TUSC3: variants seen among roughly 807,000 people sequenced by gnomAD.
The protein encoded by TUSC3 is dolichyl-diphosphooligosaccharide--protein glycosyltransferase subunit TUSC3.
In TUSC3, 45 loss-of-function variants were observed where a neutral mutation model predicts 44.8. That is an observed-to-expected ratio of 1.00 (90% CI 0.79 to 1.29). The LOEUF (loss-of-function observed/expected upper bound fraction) is 1.29, where lower values mean the gene tolerates loss of function less well. Ranked by LOEUF, TUSC3 falls within the 50% of genes most tolerant of loss-of-function variation. The pLI is 0.00. For missense variants in TUSC3, 519 were observed against 437.9 expected, an observed-to-expected ratio of 1.19 and a Z score of -1.65; for synonymous variants, 212 against 152.9, an observed-to-expected ratio of 1.39 and a Z score of -2.85.
chr8:15,711,488 GTGTGTGTA>G (rs1809850476), intron 6 of TUSC3, among the ~76,000 whole-genome samples: 1 of 128,148 alleles, frequency 7.8e-6, no homozygotes, highest in South Asian at 2.5e-4. Context: ...GTGTGTGTGT[GTGTGTGTA>G]TTTAATATGT....
At chr8:15,519,136 T>A (rs1265819370) in intron 2 of TUSC3, among the ~76,000 whole-genome samples, 2 of 152,202 alleles carry the variant, frequency 1.3e-5, no homozygotes, top group East Asian at 3.9e-4. Flanking sequence ...TATTACTCAT[T>A]TTTTAATTAA....
At position 15,757,808 on chromosome 8, in the gene TUSC3, G is replaced by A. The variant is rs374493562; in HGVS notation, c.1046G>A (p.Ter349=). Residue 349 remains the stop codon, a stop_retained_variant, in exon 10 of 11, where the codon TGA becomes TAA. Transcript: ENST00000503731. ...GYPYSDLDFE[*] is the part of the protein sequence containing the mutation. ...TTGGAAAGTGATCTGGACTTTGAGT[G>A]AGAAGATGTGATTTGGACCATGGCA... is the stretch of plus-strand genomic sequence containing the variant. 2.1e-6 allele frequency: 3 copies of A among 1,423,690 alleles called. No homozygotes were observed. In the South Asian group the frequency reaches 3.4e-5, roughly 16 times the overall value. The allele number at this position is 1,423,690 out of a possible 1,614,324, so 88.2% of individuals were successfully genotyped here.
intron 3 of TUSC3, among the ~76,000 whole-genome samples, chr8:15,652,787 C>G (rs543776903): frequency 1.3e-5 from 2 of 152,264 alleles, no homozygotes; most frequent in East Asian, 3.9e-4. Context: ...AAACAGTCTT[C>G]TAGATCCAAC....
At chr8:15,517,643 C>A (rs1385834079) in intron 2 of TUSC3, among the ~76,000 whole-genome samples, 1 of 147,230 alleles carries the variant, frequency 6.8e-6, no homozygotes, top group Non-Finnish European at 1.5e-5. Context: ...ATGTATACCT[C>A]AAAAGGAGAC....
intron 1 of TUSC3, among the ~76,000 whole-genome samples, chr8:15,440,406 G>C (rs1335588749): frequency 6.6e-6 from 1 of 152,148 alleles, no homozygotes; most frequent in Non-Finnish European, 1.5e-5. Flanking sequence ...GATCTATGCA[G>C]AATTTTGGTA....
chr8:15,649,428 G>C (rs891402339), intron 2 of TUSC3, among the ~76,000 whole-genome samples: 2 of 151,416 alleles, frequency 1.3e-5, no homozygotes, highest in African/African-American at 4.9e-5. Flanking sequence ...ACTAAAAATA[G>C]AAAAAATTAG....
At chr8:15,579,198 C>G (rs1427661136) in intron 1 of TUSC3, among the ~76,000 whole-genome samples, 1 of 146,704 alleles carries the variant, frequency 6.8e-6, no homozygotes, top group East Asian at 2.0e-4. Context: ...CTATTTGATT[C>G]TTCTCTCTTT....
chr8:15,739,182 A>G (rs1447844559), intron 7 of TUSC3, among the ~76,000 whole-genome samples: 2 of 152,092 alleles, frequency 1.3e-5, no homozygotes, highest in East Asian at 3.9e-4. Flanking sequence ...ATGGCTAGTT[A>G]ACCTGTCACA....
intron 1 of TUSC3, among the ~76,000 whole-genome samples, chr8:15,617,912 A>G (rs745496801): frequency 1.1e-4 from 16 of 152,208 alleles, no homozygotes; most frequent in Non-Finnish European, 1.9e-4. Flanking sequence ...GGTATAGTCT[A>G]CTACACACCC....
At chr8:15,600,109 T>C (rs960289511) in intron 1 of TUSC3, among the ~76,000 whole-genome samples, 11 of 151,728 alleles carry the variant, frequency 7.2e-5, no homozygotes, top group African/African-American at 2.7e-4. Flanking sequence ...AAACAAGTGG[T>C]AGAGGGGACA....
intron 2 of TUSC3, among the ~76,000 whole-genome samples, chr8:15,485,111 T>G (rs946513459): frequency 2.6e-5 from 4 of 152,142 alleles, no homozygotes; most frequent in Admixed American, 2.6e-4. Flanking sequence ...GAAAGTGAAG[T>G]TTTTTTGCCA....
At chr8:15,779,680 AAGTT>A in the TUSC3 span, among the ~76,000 whole-genome samples, 2 of 152,218 alleles carry the variant, frequency 1.3e-5, no homozygotes, top group Admixed American at 6.5e-5. Context: ...AGAGTATCAA[AAGTT>A]AGTCTTTTTA....
chr8:15,646,802 T>G (rs957173755), intron 2 of TUSC3, among the ~76,000 whole-genome samples: 6 of 152,146 alleles, frequency 3.9e-5, no homozygotes, highest in Admixed American at 2.6e-4. Flanking sequence ...TTTTAAAAAA[T>G]AGCTGTAAAT....
chr8:15,584,730 G>GA (rs1803524769), intron 1 of TUSC3, among the ~76,000 whole-genome samples: 1 of 152,022 alleles, frequency 6.6e-6, no homozygotes, highest in Non-Finnish European at 1.5e-5. Flanking sequence ...AGGGTGAATG[G>GA]AAAATCCCAG....
chr8:15,763,579 G>A (rs563532954), intron 10 of TUSC3, among the ~76,000 whole-genome samples: 1 of 151,904 alleles, frequency 6.6e-6, no homozygotes, highest in East Asian at 1.9e-4. Flanking sequence ...CTTCATAAAT[G>A]TTATTTAAAT....
At chr8:15,487,661 T>C (rs1441671373) in intron 2 of TUSC3, among the ~76,000 whole-genome samples, 2 of 152,218 alleles carry the variant, frequency 1.3e-5, no homozygotes, top group African/African-American at 4.8e-5. Context: ...TTATAAGTGC[T>C]GTACCACCTA....
At chr8:15,667,166 T>G (rs1413698042) in intron 5 of TUSC3, among the ~76,000 whole-genome samples, 1 of 151,616 alleles carries the variant, frequency 6.6e-6, no homozygotes, top group East Asian at 1.9e-4. Context: ...AAATACTTGT[T>G]GAAATTGTTA....
chr8:15,563,952 T>G (rs975692821), intron 1 of TUSC3, among the ~76,000 whole-genome samples: 3 of 152,088 alleles, frequency 2.0e-5, no homozygotes, highest in African/African-American at 7.2e-5. Flanking sequence ...AATTCAAAGT[T>G]AAATTTTCAT....
chr8:15,692,369 C>A (rs865822304), intron 6 of TUSC3, among the ~76,000 whole-genome samples: 6 of 52,576 alleles, frequency 1.1e-4, no homozygotes, highest in South Asian at 7.6e-4. Flanking sequence ...CCCCCCCCCC[C>A]CCTTTGTTTT....
Sources: allele counts gnomAD v4.1 joint callset (sites outside exome capture counted in the v4.1 genomes callset), GRCh38; gene constraint gnomAD v4.1.1; transcripts MANE v1.5; gene names NCBI Gene and HGNC (gene_info 2026-07-23, HGNC 2026-07-21).